Variants in FCHSD2 observed in about 807,000 individuals in gnomAD.
FCHSD2 encodes F-BAR and double SH3 domains protein 2.
FCHSD2 carries 38 observed loss-of-function variants against 108.1 expected under a neutral mutation model. The ratio of observed to expected loss-of-function variants is 0.35; its 90% CI spans 0.27 to 0.46. FCHSD2 has a LOEUF of 0.46. Ranked by LOEUF, FCHSD2 falls within the 20% of genes least tolerant of loss-of-function variation. FCHSD2 has a pLI of 1.00. For missense variants in FCHSD2, 751 were observed against 897.8 expected (o/e 0.84, Z 2.09); for synonymous variants, 279 against 314.7 (o/e 0.89, Z 1.20).
chr11:72,883,915 G>A, intron 12 of FCHSD2, among the ~76,000 whole-genome samples: 1 of 147,198 alleles, frequency 6.8e-6, no homozygotes, highest in East Asian at 2.0e-4. Flanking sequence ...CTGGGTGACA[G>A]AGTGAGACCG....
chr11:72,944,507 T>G (rs1308010651), intron 8 of FCHSD2, among the ~76,000 whole-genome samples: 2 of 152,234 alleles, frequency 1.3e-5, no homozygotes, highest in Middle Eastern at 3.4e-3. Flanking sequence ...GGATGCCCTC[T>G]CTCACCACTC....
At chr11:73,108,452 T>C (rs533746944) in intron 2 of FCHSD2, among the ~76,000 whole-genome samples, 20 of 152,374 alleles carry the variant, frequency 1.3e-4, no homozygotes, top group Non-Finnish European at 2.5e-4. Flanking sequence ...CCTGTGCTTG[T>C]GTAGTATTAC....
At chr11:73,047,308 C>T (rs2276379) in intron 3 of FCHSD2, among the ~76,000 whole-genome samples, 65,812 of 151,624 alleles carry the variant, frequency 0.43, 15,107 homozygotes, top group South Asian at 0.64. Flanking sequence ...AGCTACATAC[C>T]TAAATGATAG....
At chr11:72,881,773 T>C (rs923774285) in intron 12 of FCHSD2, among the ~76,000 whole-genome samples, 3 of 152,206 alleles carry the variant, frequency 2.0e-5, no homozygotes, top group Non-Finnish European at 4.4e-5. Context: ...TGAAATAAGC[T>C]AGGCACAGAA....
At chr11:72,893,427 C>T (rs1423179267) in intron 10 of FCHSD2, among the ~76,000 whole-genome samples, 1 of 152,142 alleles carries the variant, frequency 6.6e-6, no homozygotes, top group South Asian at 2.1e-4. Flanking sequence ...GCAATCCTCC[C>T]ACCTCAGCAT....
chr11:72,968,343 T>C (rs1204371265), intron 8 of FCHSD2, among the ~76,000 whole-genome samples: 1 of 152,226 alleles, frequency 6.6e-6, no homozygotes, highest in African/African-American at 2.4e-5. Context: ...TTCTGTTTCC[T>C]AGAAAATACC....
chr11:73,105,420 G>A (rs558124282), intron 2 of FCHSD2, among the ~76,000 whole-genome samples: 1 of 152,244 alleles, frequency 6.6e-6, no homozygotes, highest in African/African-American at 2.4e-5. Context: ...GAATCTACCA[G>A]GCTCTTTATT....
At position 73,142,188 on chromosome 11, in the gene FCHSD2, G is replaced by C. The variant is rs1286754367; in HGVS notation, c.-311C>G. 9.8e-6 allele frequency: 2 copies of C among 203,460 alleles called. No individual in the cohort carries two copies. The highest frequency in any genetic ancestry group is 4.7e-5 in the African/African-American group (2 of 42,728). 12.6% of individuals were successfully genotyped at this position (203,460 alleles called of 1,614,324 possible). On this transcript the variant is annotated 5_prime_UTR_variant, in exon 1 of 20. Coordinates refer to ENST00000409418, the MANE Select transcript of FCHSD2 (RefSeq NM_014824.3). Reference sequence around the variant, plus strand: ...GGGGGCCCCAGGAGCAGGGGCGCGAGGGTCTCAGCCGGCCGGGCGGCGGGT... The same window carrying C: ...GGGGGCCCCAGGAGCAGGGGCGCGACGGTCTCAGCCGGCCGGGCGGCGGGT...
intron 8 of FCHSD2, among the ~76,000 whole-genome samples, chr11:72,961,837 AGTTT>A (rs1856823864): frequency 6.6e-6 from 1 of 152,348 alleles, no homozygotes; most frequent in Middle Eastern, 3.4e-3. Flanking sequence ...AGTGGTATGT[AGTTT>A]GTTTACTGTG....
At chr11:73,095,105 C>T (rs1860044881) in intron 2 of FCHSD2, among the ~76,000 whole-genome samples, 1 of 152,106 alleles carries the variant, frequency 6.6e-6, no homozygotes, top group African/African-American at 2.4e-5. Context: ...CCCACAAATG[C>T]TATAGTCATA....
At chr11:73,067,952 C>A (rs926935967) in intron 3 of FCHSD2, among the ~76,000 whole-genome samples, 2 of 152,112 alleles carry the variant, frequency 1.3e-5, no homozygotes, top group African/African-American at 4.8e-5. Context: ...ACAATCATGG[C>A]AGAAGGCTAA....
intron 2 of FCHSD2, among the ~76,000 whole-genome samples, chr11:73,136,568 T>A (rs1393476153): frequency 6.6e-6 from 1 of 151,930 alleles, no homozygotes; most frequent in African/African-American, 2.4e-5. Flanking sequence ...ATAAAAAAAA[T>A]TATCTACTAC....
At chr11:73,026,279 A>G (rs1452101162) in intron 3 of FCHSD2, among the ~76,000 whole-genome samples, 1 of 152,192 alleles carries the variant, frequency 6.6e-6, no homozygotes, top group African/African-American at 2.4e-5. Context: ...TACCCAGCCT[A>G]TACAGATAAA....
At chr11:72,896,952 G>A (rs543624383) in intron 10 of FCHSD2, among the ~76,000 whole-genome samples, 9 of 151,642 alleles carry the variant, frequency 5.9e-5, no homozygotes, top group African/African-American at 1.5e-4. Context: ...TCAGCCTCCC[G>A]AGTAGCTGGG....
intron 10 of FCHSD2, among the ~76,000 whole-genome samples, chr11:72,895,575 C>T (rs531644993): frequency 2.6e-5 from 4 of 152,130 alleles, no homozygotes; most frequent in African/African-American, 9.6e-5. Context: ...ATAACTAATG[C>T]GTCTATGCAA....
chr11:72,857,907 G>A (rs1310232534), intron 13 of FCHSD2, among the ~76,000 whole-genome samples: 1 of 152,104 alleles, frequency 6.6e-6, no homozygotes, highest in Non-Finnish European at 1.5e-5. Flanking sequence ...GCCAACTTGG[G>A]TTTGAATGTT....
At chr11:73,126,339 TAAAAAA>T (rs61586562) in intron 2 of FCHSD2, among the ~76,000 whole-genome samples, 923 of 27,576 alleles carry the variant, frequency 0.033, 24 homozygotes, top group African/African-American at 0.072. Flanking sequence ...GATTCCATCT[TAAAAAA>T]AAAAAAAAAA....
chr11:72,909,876 C>T (rs569570999), intron 9 of FCHSD2, among the ~76,000 whole-genome samples: 16 of 146,926 alleles, frequency 1.1e-4, no homozygotes, highest in African/African-American at 4.0e-4. Flanking sequence ...CTCTGCCCGG[C>T]AGCCGCCCCA....
chr11:73,035,631 A>C (rs1012215137), intron 3 of FCHSD2, among the ~76,000 whole-genome samples: 3 of 152,136 alleles, frequency 2.0e-5, no homozygotes, highest in African/African-American at 7.2e-5. Flanking sequence ...ATAAGTACTT[A>C]CTGAGAATTT....
Sources: gnomAD v4.1 joint callset for allele counts (sites outside exome capture counted in the v4.1 genomes callset) on GRCh38, gnomAD v4.1.1 for gene constraint, MANE v1.5 for transcripts, NCBI Gene and HGNC (gene_info 2026-07-23, HGNC 2026-07-21) for gene names.